The following CAMTA1 variants were observed in gnomAD, a reference collection of about 807,000 sequenced individuals.
The protein encoded by CAMTA1 is calmodulin binding transcription activator 1.
CAMTA1 carries 27 observed loss-of-function variants against 170.9 expected under a neutral mutation model. The ratio of observed to expected loss-of-function variants is 0.16; its 90% CI spans 0.12 to 0.22. The LOEUF (loss-of-function observed/expected upper bound fraction) is 0.22. Ranked by LOEUF, CAMTA1 falls within the 10% of genes least tolerant of loss-of-function variation. The pLI, the probability that CAMTA1 is intolerant of heterozygous loss-of-function variation, is 1.00. For synonymous variants in CAMTA1, 833 were observed against 891.5 expected, an observed-to-expected ratio of 0.93 and a Z score of 1.17; for missense variants, 1,619 against 2,217.2, an observed-to-expected ratio of 0.73 and a Z score of 5.42.
chr1:7,197,635 C>CAT (rs1655784813), intron 4 of CAMTA1, among the ~76,000 whole-genome samples: 1 of 104,312 alleles, frequency 9.6e-6, no homozygotes, highest in Admixed American at 9.0e-5. Context: ...CCACCACACA[C>CAT]ACACACACAC....
In CAMTA1 at chr1:7,323,236, T is replaced by C. The variant is rs726648; in HGVS notation, c.438+73610T>C. Among the ~76,000 whole-genome samples the C allele has an allele frequency of 1.4e-3, 213 of 152,196 alleles. 3 individuals are homozygous for C. Among genetic ancestry groups the C allele is most frequent in the Admixed American group, 0.012 (189 of 15,282 alleles). ...CACTTAATTCAATATATTTTCCAAT[T>C]TTTACTTTTATTTCTTCTAAGATTT... On this transcript the variant is annotated intron_variant, in intron 5 of 22. Coordinates refer to ENST00000303635, the MANE Select transcript of CAMTA1 (RefSeq NM_015215.4).
intron 6 of CAMTA1, among the ~76,000 whole-genome samples, chr1:7,494,595 G>A (rs1455791779): frequency 6.6e-6 from 1 of 152,124 alleles, no homozygotes; most frequent in Admixed American, 6.5e-5. Flanking sequence ...CTTGAGGTCA[G>A]GAGCTCAAGA....
intron 3 of CAMTA1, among the ~76,000 whole-genome samples, chr1:6,890,955 GTCACTCTT>G (rs1438342763): frequency 6.6e-6 from 1 of 152,140 alleles, no homozygotes; most frequent in African/African-American, 2.4e-5. Context: ...CCTCAAGAAA[GTCACTCTT>G]TCATGAGTTT....
chr1:7,147,926 C>G lies in CAMTA1; in HGVS notation c.302+56555C>G, dbSNP rs576884248. On this transcript the variant is annotated intron_variant, in intron 4 of 22. Coordinates refer to ENST00000303635, the MANE Select transcript of CAMTA1 (RefSeq NM_015215.4). The stretch of plus-strand genomic sequence containing the variant: ...CACACACACTCATACACCATGCACA[C>G]ACACAAACTCATATACCATGCACAC... 1.8e-4 allele frequency among the ~76,000 whole-genome samples: 27 copies of G among 150,090 alleles called. No homozygotes were observed. In the South Asian group the frequency reaches 1.9e-3, roughly 11 times the overall value.
intron 22 of CAMTA1, among the ~76,000 whole-genome samples, chr1:7,765,059 T>C (rs1019596621): frequency 6.6e-6 from 1 of 152,192 alleles, no homozygotes; most frequent in African/African-American, 2.4e-5. Context: ...GCCCTCTGTA[T>C]AGCACCACGA....
At chr1:7,729,754 T>G (rs1241152037) in intron 11 of CAMTA1, among the ~76,000 whole-genome samples, 2 of 152,218 alleles carry the variant, frequency 1.3e-5, no homozygotes. Context: ...GTGATGGTTG[T>G]GAAGAGTAAA....
At chr1:7,466,004 C>G (rs2093202301) in intron 5 of CAMTA1, among the ~76,000 whole-genome samples, 1 of 152,206 alleles carries the variant, frequency 6.6e-6, no homozygotes, top group Non-Finnish European at 1.5e-5. Context: ...GAGAGAAACA[C>G]CCCTCAGCCG....
At chr1:7,709,572 A>G (rs1299548040) in intron 11 of CAMTA1, among the ~76,000 whole-genome samples, 3 of 152,194 alleles carry the variant, frequency 2.0e-5, no homozygotes, top group Non-Finnish European at 4.4e-5. Context: ...GTGGCCCTAA[A>G]AATCCTGGAC....
In CAMTA1 at chr1:7,063,941, T is replaced by C. The variant is rs1708614538; in HGVS notation, c.235-27363T>C. Among the ~76,000 whole-genome samples the C allele has an allele frequency of 6.6e-6, 1 of 152,182 alleles. No homozygotes were observed. Among genetic ancestry groups the C allele is most frequent in the Non-Finnish European group, 1.5e-5 (1 of 68,028 alleles). On this transcript the variant is annotated intron_variant, in intron 3 of 22. Transcript: ENST00000303635. This position sits in a 1 kb window ranked among gnomAD's most constrained non-coding sequence, Gnocchi z 4.3. ...GGGTGGCTTTAACAGAAGACATTGA[T>C]TTCTAACAGTTCTGGAGGCTGGGAA...
At chr1:7,466,143 C>T (rs918540488) in intron 5 of CAMTA1, among the ~76,000 whole-genome samples, 21 of 152,154 alleles carry the variant, frequency 1.4e-4, no homozygotes, top group African/African-American at 4.3e-4. Flanking sequence ...TGCAACCAAA[C>T]GCTTAGACAA....
At chr1:6,975,963 C>T (rs561875474) in intron 3 of CAMTA1, among the ~76,000 whole-genome samples, 100 of 152,240 alleles carry the variant, frequency 6.6e-4, no homozygotes, top group African/African-American at 2.2e-3. Flanking sequence ...TCTTCCCTGC[C>T]GCGGCGAGCG....
At chr1:6,948,549 TAGAG>T (rs948105402) in intron 3 of CAMTA1, among the ~76,000 whole-genome samples, 4 of 152,144 alleles carry the variant, frequency 2.6e-5, no homozygotes, top group South Asian at 2.1e-4. Context: ...AACTGGCACT[TAGAG>T]AGCTCAAGTG....
chr1:7,664,200 C>A lies in CAMTA1; in HGVS notation c.1653C>A (p.Ser551=). 6.2e-7 allele frequency: 1 copy of A among 1,612,704 alleles called. No homozygotes were observed. Among genetic ancestry groups the A allele is most frequent in the Middle Eastern group, 1.6e-4 (1 of 6,062 alleles). The change falls in exon 9 of 23, where the codon TCC becomes TCA. Residue 551 remains serine, a synonymous_variant. Coordinates refer to ENST00000303635, the MANE Select transcript of CAMTA1 (RefSeq NM_015215.4). Reference sequence around the variant, plus strand: ...TGGCCAAAGAAGCGTACTCCTCCTCCGCGGCGGCTGTGGCAGCCAGCTCCC... The same window carrying A: ...TGGCCAAAGAAGCGTACTCCTCCTCAGCGGCGGCTGTGGCAGCCAGCTCCC... ...QQMAKEAYSS[S]AAAVAASSLT... is the part of the protein sequence containing the mutation.
chr1:7,349,742 C>T (rs575994705), intron 5 of CAMTA1, among the ~76,000 whole-genome samples: 4 of 152,288 alleles, frequency 2.6e-5, no homozygotes, highest in South Asian at 2.1e-4. Context: ...TTATCATCTG[C>T]GAAGACTCGC....
At chr1:7,647,218 G>T (rs1331727011) in intron 7 of CAMTA1, among the ~76,000 whole-genome samples, 3 of 148,732 alleles carry the variant, frequency 2.0e-5, no homozygotes, top group Non-Finnish European at 4.5e-5. Flanking sequence ...GCCTGGGGTT[G>T]TATGTTCAGT....
intron 3 of CAMTA1, among the ~76,000 whole-genome samples, chr1:7,081,267 T>C (rs17345754): frequency 0.17 from 25,347 of 152,236 alleles, 2,535 homozygotes; most frequent in South Asian, 0.26. Flanking sequence ...GGATGTGTCT[T>C]TGCCACTGTC....
rs1705128276 is a variant in CAMTA1, at chr1:7,044,905, A to G, written c.235-46399A>G. On this transcript the variant is annotated intron_variant, in intron 3 of 22. Coordinates refer to ENST00000303635, the MANE Select transcript of CAMTA1 (RefSeq NM_015215.4). This position sits in a 1 kb window ranked among gnomAD's most constrained non-coding sequence, Gnocchi z 5.0. The stretch of plus-strand genomic sequence containing the variant: ...CATCCCGCCATTTTGATTAAAAAAA[A>G]AAATCCCCCAAAATAAAAACTCATA... Among the ~76,000 whole-genome samples the G allele has an allele frequency of 6.6e-6, 1 of 152,008 alleles. No homozygotes were observed. The highest frequency in any genetic ancestry group is 6.6e-5 in the Admixed American group (1 of 15,264).
At chr1:7,657,390 T>A (rs1424284471) in intron 7 of CAMTA1, among the ~76,000 whole-genome samples, 1 of 152,002 alleles carries the variant, frequency 6.6e-6, no homozygotes. Context: ...CCCGGTGAGG[T>A]ACAGTGAGCA....
At chr1:7,473,948 T>C (rs2093376651) in intron 6 of CAMTA1, among the ~76,000 whole-genome samples, 1 of 152,250 alleles carries the variant, frequency 6.6e-6, no homozygotes, top group Non-Finnish European at 1.5e-5. Context: ...AGCGTGCTGC[T>C]GTGTCAGGTC....
Sources: allele counts gnomAD v4.1 joint callset (sites outside exome capture counted in the v4.1 genomes callset), GRCh38; gene constraint gnomAD v4.1.1; non-coding constraint Gnocchi (gnomAD v3.1); transcripts MANE v1.5; gene names NCBI Gene and HGNC (gene_info 2026-07-23, HGNC 2026-07-21).